FBXO15: variants seen among roughly 807,000 people sequenced by gnomAD.
The protein encoded by FBXO15 is F-box only protein 15.
In FBXO15, 30 loss-of-function variants were observed where a neutral mutation model predicts 49.5. That is an observed-to-expected ratio of 0.61 (90% CI 0.45 to 0.82). FBXO15 has a LOEUF of 0.82. FBXO15 is among the 40% of genes least tolerant of loss of function. The pLI is 0.00. For synonymous variants in FBXO15, 250 were observed against 232.7 expected (o/e 1.07, Z -0.68); for missense variants, 591 against 631.5 (o/e 0.94, Z 0.69).
chr18:74,095,233 G>C (rs529359022), intron 8 of FBXO15, among the ~76,000 whole-genome samples: 71 of 152,320 alleles, frequency 4.7e-4, no homozygotes, highest in South Asian at 3.1e-3. Flanking sequence ...ATGTTCACTG[G>C]AGTGGCACTT....
intron 8 of FBXO15, among the ~76,000 whole-genome samples, chr18:74,100,618 C>T (rs1429382378): frequency 6.6e-6 from 1 of 151,704 alleles, no homozygotes; most frequent in African/African-American, 2.4e-5. Flanking sequence ...ATAAATGAAA[C>T]AAAATGGTGG....
intron 8 of FBXO15, among the ~76,000 whole-genome samples, chr18:74,091,017 T>C (rs1231782713): frequency 6.6e-6 from 1 of 152,252 alleles, no homozygotes; most frequent in Non-Finnish European, 1.5e-5. Context: ...TATTATTGTT[T>C]GGTTATCTAA....
At chr18:74,124,708 A>G (rs1279253038) in intron 6 of FBXO15, 137 bp from the exon 7 acceptor site, 1 of 696,760 alleles carries the variant, frequency 1.4e-6, no homozygotes, top group Non-Finnish European at 2.6e-6. Context: ...CACAGTGCTA[A>G]TGCATTATTA....
intron 8 of FBXO15, among the ~76,000 whole-genome samples, chr18:74,093,404 A>G (rs1166864199): frequency 2.6e-5 from 4 of 152,260 alleles, no homozygotes; most frequent in African/African-American, 7.2e-5. Context: ...GTGGTCTGCC[A>G]GTGCAGGAGC....
At chr18:74,087,566 G>C (rs1912800105) in intron 8 of FBXO15, among the ~76,000 whole-genome samples, 1 of 152,168 alleles carries the variant, frequency 6.6e-6, no homozygotes, top group South Asian at 2.1e-4. Flanking sequence ...GGACATGGCT[G>C]CATAATATTG....
intron 2 of FBXO15, among the ~76,000 whole-genome samples, 189 bp from the exon 3 acceptor site, chr18:74,136,055 T>A (rs1339701831): frequency 6.6e-6 from 1 of 152,200 alleles, no homozygotes; most frequent in Non-Finnish European, 1.5e-5. Flanking sequence ...TTATTCTAAT[T>A]CTCATGACAT....
At position 74,129,574 on chromosome 18, in the gene FBXO15, CT is replaced by C; in HGVS notation, c.615del (p.Gly206ValfsTer14). The C allele has an allele frequency of 6.2e-7, 1 of 1,612,388 alleles. No homozygotes were observed. ...GLGWAIILKEKGGKEYIMEHV... is the reference protein window; with the variant it reads ...GLGWAIILKEXGGKEYIMEHV... Reference sequence around the variant, plus strand: ...TGCTCCATGATATATTCTTTTCCACCTTTTTCTTTCAGTATAATTGCCCAAC... The same window carrying C: ...TGCTCCATGATATATTCTTTTCCACCTTTTCTTTCAGTATAATTGCCCAAC... On this transcript the variant is annotated frameshift_variant, in exon 5 of 10. Coordinates refer to ENST00000419743, the MANE Select transcript of FBXO15 (RefSeq NM_001142958.2). LOFTEE classifies it high-confidence loss of function.
chr18:74,101,754 G>C (rs1414089008), intron 8 of FBXO15, among the ~76,000 whole-genome samples: 1 of 152,134 alleles, frequency 6.6e-6, no homozygotes, highest in Admixed American at 6.5e-5. Context: ...CATGGTACTG[G>C]TATAAAAATA....
chr18:74,106,060 T>C (rs1913746398), intron 8 of FBXO15, among the ~76,000 whole-genome samples: 1 of 152,178 alleles, frequency 6.6e-6, no homozygotes, highest in African/African-American at 2.4e-5. Context: ...AAGCTTGAAG[T>C]ATCTTCTTGC....
chr18:74,147,697 C>A lies in FBXO15; in HGVS notation c.89G>T (p.Arg30Leu). Residue 30 changes from arginine to leucine, a missense_variant, in exon 1 of 10, where the codon CGG becomes CTG. Arg to Leu is a moderately radical substitution (Grantham distance 102). Transcript: ENST00000419743. ...RGPSRGGGAA[R>L]GRARAFGCRK... Reference sequence around the variant, plus strand: ...GCACCCAAAGGCCCTGGCGCGCCCCCGGGCCGCGCCACCGCCCCTGCTGGG... The same window carrying A: ...GCACCCAAAGGCCCTGGCGCGCCCCAGGGCCGCGCCACCGCCCCTGCTGGG... The A allele has an allele frequency of 6.6e-7, 1 of 1,513,152 alleles. No individual in the cohort carries two copies. 93.7% of individuals were successfully genotyped at this position (1,513,152 alleles called of 1,614,324 possible). A position where few individuals can be genotyped will look rare whatever the true frequency, so the allele number is the denominator to read the frequency against.
At chr18:74,094,204 T>G (rs1913178683) in intron 8 of FBXO15, among the ~76,000 whole-genome samples, 2 of 152,190 alleles carry the variant, frequency 1.3e-5, no homozygotes, top group South Asian at 4.1e-4. Context: ...TAATCTCCAG[T>G]GTTGGAGGTA....
At chr18:74,123,687 T>C (rs1914569983) in intron 7 of FBXO15, among the ~76,000 whole-genome samples, 177 bp from the exon 8 acceptor site, 1 of 152,186 alleles carries the variant, frequency 6.6e-6, no homozygotes, top group Admixed American at 6.5e-5. Context: ...TGCTCAATGT[T>C]ACTTTTACCA....
At chr18:74,135,488 C>A (rs182995685) in intron 3 of FBXO15, among the ~76,000 whole-genome samples, 1 of 152,250 alleles carries the variant, frequency 6.6e-6, no homozygotes, top group East Asian at 1.9e-4. Flanking sequence ...GGGAATACAG[C>A]GAAGACCTCC....
chr18:74,081,073 T>TA (rs1333765461), intron 9 of FBXO15, among the ~76,000 whole-genome samples: 1 of 152,242 alleles, frequency 6.6e-6, no homozygotes. Flanking sequence ...TACCAAAACT[T>TA]AAACATTTGC....
intron 3 of FBXO15, among the ~76,000 whole-genome samples, chr18:74,134,667 T>C (rs535154554): frequency 6.6e-6 from 1 of 152,212 alleles, no homozygotes; most frequent in Admixed American, 6.5e-5. Context: ...TGCGCCTGGC[T>C]GGAGAATTTT....
chr18:74,073,801 T>C (rs563511784), intron 9 of FBXO15, 71 bp from the exon 10 acceptor site: 265 of 1,521,498 alleles, frequency 1.7e-4, no homozygotes, highest in Admixed American at 4.7e-4. Flanking sequence ...AAATCGTGAC[T>C]CTGTAAAACT....
In FBXO15 at chr18:74,074,811, T is replaced by A. The variant is rs188030691; in HGVS notation, c.1264-1081A>T. On this transcript the variant is annotated intron_variant, in intron 9 of 9. Coordinates refer to ENST00000419743, the MANE Select transcript of FBXO15 (RefSeq NM_001142958.2). This position sits in a 1 kb window ranked among gnomAD's most constrained non-coding sequence, Gnocchi z 4.7. ...TGGTCTGTATATGCCCATACCGCAG[T>A]GGATATGTAAAAAGGCCTGAAGAGC... is the stretch of plus-strand genomic sequence containing the variant. 6.1e-4 allele frequency among the ~76,000 whole-genome samples: 93 copies of A among 152,312 alleles called. No homozygotes were observed. Among genetic ancestry groups the A allele is most frequent in the African/African-American group, 2.1e-3 (86 of 41,578 alleles).
intron 1 of FBXO15, among the ~76,000 whole-genome samples, chr18:74,142,860 AC>A (rs1451844703): frequency 6.6e-6 from 1 of 152,224 alleles, no homozygotes; most frequent in African/African-American, 2.4e-5. Flanking sequence ...AATTTGTAAT[AC>A]ATTCTAAAAT....
At chr18:74,133,267 C>T (rs138669756) in intron 3 of FBXO15, among the ~76,000 whole-genome samples, 19 of 152,200 alleles carry the variant, frequency 1.2e-4, no homozygotes, top group South Asian at 4.2e-4. Context: ...TATTTCCAAA[C>T]GGCAACTTCC....
Sources: allele counts gnomAD v4.1 joint callset (sites outside exome capture counted in the v4.1 genomes callset), GRCh38; gene constraint gnomAD v4.1.1; non-coding constraint Gnocchi (gnomAD v3.1); transcripts MANE v1.5; gene names NCBI Gene and HGNC (gene_info 2026-07-23, HGNC 2026-07-21).